Variants in FXYD7 observed in about 807,000 individuals in gnomAD.
The protein encoded by FXYD7 is FXYD domain-containing ion transport regulator 7.
FXYD7 carries 7 observed loss-of-function variants against 15.3 expected under a neutral mutation model. The observed-to-expected ratio is 0.46, with a 90% CI of 0.26 to 0.86. FXYD7 has a LOEUF of 0.86. FXYD7 is among the 40% of genes least tolerant of loss of function. The probability of loss-of-function intolerance (pLI) is 0.16; values close to 1 mark genes in which losing one functional copy is unlikely to be tolerated. For synonymous variants in FXYD7, 39 were observed against 39.3 expected, an observed-to-expected ratio of 0.99 and a Z score of 0.03; for missense variants, 78 against 100.6, an observed-to-expected ratio of 0.78 and a Z score of 0.96.
chr19:35,152,327 C>A (rs1377103249), intron 5 of FXYD7, among the ~76,000 whole-genome samples: 1 of 151,642 alleles, frequency 6.6e-6, no homozygotes, highest in African/African-American at 2.4e-5. Flanking sequence ...GAGAGGAAGA[C>A]ACAGGCCTGT....
At chr19:35,151,111 A>T (rs1188931573) in intron 2 of FXYD7, 143 bp from the exon 3 acceptor site, 10 of 716,756 alleles carry the variant, frequency 1.4e-5, no homozygotes, top group Admixed American at 5.7e-5. Context: ...CCTCACATCA[A>T]CCCCCTGAAG....
intron 2 of FXYD7, chr19:35,149,010 A>G (rs1337330003): frequency 1.7e-6 from 1 of 578,586 alleles, no homozygotes; most frequent in East Asian, 3.8e-5. Flanking sequence ...CTTAGAAGCA[A>G]TGACTCTGAG....
intron 5 of FXYD7, among the ~76,000 whole-genome samples, chr19:35,153,150 C>A (rs1290949934): frequency 3.4e-5 from 5 of 147,304 alleles, no homozygotes; most frequent in Non-Finnish European, 1.5e-5. Context: ...ACCTCTGCGT[C>A]CTGGGTTCAA....
chr19:35,151,580 C>A, intron 4 of FXYD7, 53 bp from the exon 5 acceptor site: 1 of 1,596,726 alleles, frequency 6.3e-7, no homozygotes, highest in Non-Finnish European at 8.6e-7. Context: ...TTCCCCAAAG[C>A]CTATGGTTAT....
chr19:35,152,021 C>G (rs183431439), intron 5 of FXYD7, among the ~76,000 whole-genome samples: 22 of 150,032 alleles, frequency 1.5e-4, no homozygotes, highest in Non-Finnish European at 2.8e-4. Flanking sequence ...CACCTGTAAT[C>G]CCAGCTACTC....
At chr19:35,152,219 G>A (rs1456746173) in intron 5 of FXYD7, among the ~76,000 whole-genome samples, 2 of 145,590 alleles carry the variant, frequency 1.4e-5, no homozygotes, top group Admixed American at 6.9e-5. Context: ...ATGCTAAACC[G>A]TGGGGAGGCT....
intron 1 of FXYD7, 107 bp from the exon 2 acceptor site, chr19:35,148,587 C>T: frequency 1.0e-6 from 1 of 965,664 alleles, no homozygotes; most frequent in Admixed American, 2.9e-5. Context: ...CTGACTTCCA[C>T]AAAGAAATGA....
At chr19:35,151,729 A>T (rs976768121) in intron 5 of FXYD7, 56 bp downstream of exon 5, 2 of 1,327,584 alleles carry the variant, frequency 1.5e-6, no homozygotes, top group Admixed American at 1.7e-5. Flanking sequence ...CAGGGAAGGG[A>T]ACCCTCAGAA....
At chr19:35,148,669 C>G in intron 1 of FXYD7, 25 bp from the exon 2 acceptor site, 2 of 1,520,406 alleles carry the variant, frequency 1.3e-6, no homozygotes, top group South Asian at 1.3e-5. Context: ...TTTTCTTTCT[C>G]TTTTTCTCTG....
rs185426914 is a variant in FXYD7 at position 35,144,041 on chromosome 19, G to A, written c.31+677G>A. On this transcript the variant is annotated intron_variant, in intron 1 of 5. Transcript: ENST00000270310. ...GGAGAGGCTGAGAGCAGTAGACAGA[G>A]ATGCAGAGAGAGAGAGAAAAAAAAA... is the stretch of plus-strand genomic sequence containing the variant. 2.0e-3 allele frequency among the ~76,000 whole-genome samples: 306 copies of A among 152,028 alleles called. 3 individuals are homozygous for A. In the South Asian group the frequency reaches 0.037, roughly 18 times the overall value.
chr19:35,149,168 T>C, intron 2 of FXYD7: 1 of 395,200 alleles, frequency 2.5e-6, no homozygotes, highest in Non-Finnish European at 5.1e-6. Flanking sequence ...ACCTGACTGG[T>C]GGCATTAAAT....
At chr19:35,146,239 G>C (rs574034021) in intron 1 of FXYD7, among the ~76,000 whole-genome samples, 1 of 151,432 alleles carries the variant, frequency 6.6e-6, no homozygotes, top group East Asian at 2.0e-4. Flanking sequence ...CCGGGTTCAA[G>C]CAATTCTTCT....
At chr19:35,148,048 A>AAAGAAAGAAGGAAAGT (rs2065295588) in intron 1 of FXYD7, among the ~76,000 whole-genome samples, 1 of 127,604 alleles carries the variant, frequency 7.8e-6, no homozygotes, top group African/African-American at 3.6e-5. Context: ...AGAAAGAAAG[A>AAAGAAAGAAGGAAAGT]AAGAAAGAAA....
chr19:35,147,304 ACGACAT>A, intron 1 of FXYD7, among the ~76,000 whole-genome samples: 1 of 152,242 alleles, frequency 6.6e-6, no homozygotes, highest in Admixed American at 6.5e-5. Context: ...GAGAACACCA[ACGACAT>A]CAGGCATCAC....
rs1035865808 is a variant in FXYD7 at position 35,143,802 on chromosome 19, T to C, written c.31+438T>C. Among the ~76,000 whole-genome samples the C allele has an allele frequency of 6.6e-6, 1 of 151,998 alleles. No homozygotes were observed. The highest frequency in any genetic ancestry group is 2.4e-5 in the African/African-American group (1 of 41,360). ...CATGTCCCTCTTCTTTCCAGTGCTG[T>C]CTCCTAGGGTGTCTGTTTCCTGAAA... On this transcript the variant is annotated intron_variant, in intron 1 of 5. Coordinates refer to ENST00000270310, the MANE Select transcript of FXYD7 (RefSeq NM_022006.2). The surrounding 1 kb of genome is among the most constrained non-coding windows in gnomAD (Gnocchi z 4.3).
intron 1 of FXYD7, among the ~76,000 whole-genome samples, chr19:35,145,142 C>T (rs2065284884): frequency 6.6e-6 from 1 of 152,140 alleles, no homozygotes; most frequent in African/African-American, 2.4e-5. Flanking sequence ...TTGAAACCTG[C>T]ATCTCACACA....
chr19:35,147,002 A>G (rs746652557), intron 1 of FXYD7, among the ~76,000 whole-genome samples: 3 of 152,224 alleles, frequency 2.0e-5, no homozygotes, highest in Non-Finnish European at 4.4e-5. Flanking sequence ...TGCTGTGGTA[A>G]CAAATAGTAC....
At chr19:35,151,185 G>A (rs925676022) in intron 2 of FXYD7, 69 bp from the exon 3 acceptor site, 2 of 1,035,270 alleles carry the variant, frequency 1.9e-6, no homozygotes, top group African/African-American at 3.1e-5. Context: ...GCCACCCAGA[G>A]CCAGGACTGG....
intron 2 of FXYD7, among the ~76,000 whole-genome samples, chr19:35,150,611 TGCA>T (rs2065306281): frequency 6.6e-6 from 1 of 152,148 alleles, no homozygotes; most frequent in African/African-American, 2.4e-5. Context: ...GCTTTCAGGC[TGCA>T]GGAACAGCCA....
Sources: gnomAD v4.1 joint callset for allele counts (sites outside exome capture counted in the v4.1 genomes callset) on GRCh38, gnomAD v4.1.1 for gene constraint, Gnocchi (gnomAD v3.1) non-coding constraint, MANE v1.5 for transcripts, NCBI Gene and HGNC (gene_info 2026-07-23, HGNC 2026-07-21) for gene names.